The following SUMO2 variants were observed in gnomAD, a reference collection of about 807,000 sequenced individuals.
SUMO2 encodes the protein small ubiquitin like modifier 2.
A neutral mutation model predicts 16.0 loss-of-function variants in SUMO2; 1 was observed. The ratio of observed to expected loss-of-function variants is 0.06; its 90% CI spans 0.02 to 0.30. The LOEUF (loss-of-function observed/expected upper bound fraction) is 0.30, where lower values mean the gene tolerates loss of function less well. Ranked by LOEUF, SUMO2 falls within the 10% of genes least tolerant of loss-of-function variation. The probability of loss-of-function intolerance (pLI) is 1.00; values close to 1 mark genes in which losing one functional copy is unlikely to be tolerated. For synonymous variants in SUMO2, 36 were observed against 40.6 expected, an observed-to-expected ratio of 0.89 and a Z score of 0.43; for missense variants, 16 against 117.5, an observed-to-expected ratio of 0.14 and a Z score of 3.99.
intron 2 of SUMO2, 136 bp from the exon 3 acceptor site, chr17:75,174,959 T>G: frequency 1.4e-6 from 1 of 732,398 alleles, no homozygotes; most frequent in Non-Finnish European, 2.2e-6. Context: ...TAACATACCC[T>G]ATAGGTAAAA....
chr17:75,169,240 A>G (rs2074716155), intron 3 of SUMO2, among the ~76,000 whole-genome samples: 1 of 151,194 alleles, frequency 6.6e-6, no homozygotes, highest in South Asian at 2.1e-4. Flanking sequence ...TATCAAAAAA[A>G]GAGAAAAAAA....
chr17:75,176,681 A>G (rs560607806), intron 2 of SUMO2, among the ~76,000 whole-genome samples: 4 of 152,214 alleles, frequency 2.6e-5, no homozygotes, highest in Admixed American at 2.6e-4. Flanking sequence ...AACTTCCTGG[A>G]ATAGCTTTAA....
intron 3 of SUMO2, among the ~76,000 whole-genome samples, chr17:75,174,082 T>C (rs540959884): frequency 2.6e-5 from 4 of 152,172 alleles, no homozygotes; most frequent in Admixed American, 6.6e-5. Flanking sequence ...CAATTCAGCA[T>C]GTAGAACTAA....
At chr17:75,177,988 CAA>C (rs59613076) in intron 2 of SUMO2, among the ~76,000 whole-genome samples, 16 of 66,416 alleles carry the variant, frequency 2.4e-4, no homozygotes, top group African/African-American at 7.4e-4. Flanking sequence ...GACTCCGTCT[CAA>C]AAAAAAAAAA....
chr17:75,182,030 T>G (rs771377181), intron 1 of SUMO2, among the ~76,000 whole-genome samples: 3 of 151,870 alleles, frequency 2.0e-5, no homozygotes, highest in Non-Finnish European at 2.9e-5. Flanking sequence ...CGATGATGGG[T>G]GTCCCCAAGT....
intron 2 of SUMO2, among the ~76,000 whole-genome samples, chr17:75,177,767 T>C (rs1161396567): frequency 6.7e-6 from 1 of 149,814 alleles, no homozygotes; most frequent in Non-Finnish European, 1.5e-5. Context: ...GCGAGACGGG[T>C]GGGTCACCTG....
At chr17:75,177,786 A>G (rs778550296) in intron 2 of SUMO2, among the ~76,000 whole-genome samples, 1 of 151,476 alleles carries the variant, frequency 6.6e-6, no homozygotes, top group Non-Finnish European at 1.5e-5. Flanking sequence ...TGAGCTCAGG[A>G]GTTCAAGACC....
At chr17:75,170,807 G>C (rs1186429493) in intron 3 of SUMO2, among the ~76,000 whole-genome samples, 1 of 128,914 alleles carries the variant, frequency 7.8e-6, no homozygotes, top group African/African-American at 3.0e-5. Flanking sequence ...CTGAGATCAC[G>C]CCACTGCACT....
intron 3 of SUMO2, among the ~76,000 whole-genome samples, chr17:75,173,423 T>C (rs2074757212): frequency 6.6e-6 from 1 of 151,646 alleles, no homozygotes; most frequent in South Asian, 2.1e-4. Flanking sequence ...GTCAGTTTCC[T>C]AAAGTGATAG....
chr17:75,175,060 C>T (rs984695709), intron 2 of SUMO2, among the ~76,000 whole-genome samples: 1 of 152,096 alleles, frequency 6.6e-6, no homozygotes, highest in African/African-American at 2.4e-5. Flanking sequence ...CAGCTCAAGG[C>T]AACCTACACC....
intron 2 of SUMO2, 42 bp from the exon 3 acceptor site, chr17:75,174,865 CAG>C (rs1568047009): frequency 2.6e-6 from 4 of 1,552,756 alleles, no homozygotes; most frequent in East Asian, 2.3e-5. Flanking sequence ...TTAAGAGAAA[CAG>C]AATTCTATTT....
chr17:75,176,075 C>T (rs1354001943), intron 2 of SUMO2, among the ~76,000 whole-genome samples: 9 of 147,764 alleles, frequency 6.1e-5, no homozygotes, highest in Non-Finnish European at 1.1e-4. Context: ...GAGTCTCGCT[C>T]TGTCGCCCAG....
At chr17:75,180,913 A>C (rs2074824155) in intron 2 of SUMO2, 144 bp downstream of exon 2, 2 of 852,474 alleles carry the variant, frequency 2.3e-6, no homozygotes, top group African/African-American at 3.4e-5. Context: ...CAATATACCA[A>C]GTGCACGACA....
At chr17:75,170,055 T>C (rs2074725102) in intron 3 of SUMO2, among the ~76,000 whole-genome samples, 1 of 151,544 alleles carries the variant, frequency 6.6e-6, no homozygotes. Flanking sequence ...TGCACGCCTG[T>C]AATCCCAGCT....
At chr17:75,182,781 G>A (rs2074840077) in intron 1 of SUMO2, 33 bp downstream of exon 1, 2 of 1,330,034 alleles carry the variant, frequency 1.5e-6, no homozygotes, top group Non-Finnish European at 1.9e-6. Context: ...CCCCCACCGC[G>A]CGGCGAGGCG....
chr17:75,171,273 C>G (rs1197075890), intron 3 of SUMO2, among the ~76,000 whole-genome samples: 1 of 151,594 alleles, frequency 6.6e-6, no homozygotes, highest in Non-Finnish European at 1.5e-5. Flanking sequence ...GGATTACAGG[C>G]ATGCGCCATC....
chr17:75,182,018 C>T (rs1043803519), intron 1 of SUMO2, among the ~76,000 whole-genome samples: 2 of 151,968 alleles, frequency 1.3e-5, no homozygotes, highest in Non-Finnish European at 2.9e-5. Context: ...TCCCGTGTGC[C>T]CCGATGATGG....
At chr17:75,182,334 C>T (rs1260103022) in intron 1 of SUMO2, 1 of 152,860 alleles carries the variant, frequency 6.5e-6, no homozygotes, top group Non-Finnish European at 1.5e-5. Context: ...ACCCTCGCCC[C>T]GCCGCCGCGG....
rs527964023 is a variant in SUMO2 at position 75,174,468 on chromosome 17, G to A, written c.225+284C>T. ...AATCCCATCACTTTGGGAGGCCAAG[G>A]CTGCAGTGAGCTATAATGAGGCCAC... is the stretch of plus-strand genomic sequence containing the variant. On this transcript the variant is annotated intron_variant, in intron 3 of 3. Transcript: ENST00000420826. Among the ~76,000 whole-genome samples, 3 of 152,180 alleles carry A rather than the reference G, an allele frequency of 2.0e-5. No homozygotes were observed. In the South Asian group the frequency reaches 6.2e-4, roughly 32 times the overall value.
Sources: allele counts gnomAD v4.1 joint callset (sites outside exome capture counted in the v4.1 genomes callset), GRCh38; gene constraint gnomAD v4.1.1; transcripts MANE v1.5; gene names NCBI Gene and HGNC (gene_info 2026-07-23, HGNC 2026-07-21).